Variants in FRMPD3 observed in about 807,000 individuals in gnomAD.
FRMPD3 encodes FERM and PDZ domain containing 3.
In FRMPD3, 42 loss-of-function variants were observed where a neutral mutation model predicts 97.9. That is an observed-to-expected ratio of 0.43 (90% CI 0.34 to 0.55). The LOEUF (loss-of-function observed/expected upper bound fraction) is 0.55. FRMPD3 is among the 20% of genes least tolerant of loss of function. The pLI is 0.03. For missense variants in FRMPD3, 1,303 were observed against 1,457.7 expected, an observed-to-expected ratio of 0.89 and a Z score of 1.73; for synonymous variants, 577 against 581.1, an observed-to-expected ratio of 0.99 and a Z score of 0.10.
At chrX:107,583,470 T>G (rs1388572722) in intron 13 of FRMPD3, among the ~76,000 whole-genome samples, 1 of 112,424 alleles carries the variant, frequency 8.9e-6, no homozygotes, top group Non-Finnish European at 1.9e-5. Context: ...TACCACATTT[T>G]CATTATCCAG....
intron 13 of FRMPD3, among the ~76,000 whole-genome samples, chrX:107,577,086 A>G (rs1283690813): frequency 2.1e-5 from 2 of 95,091 alleles, no homozygotes; most frequent in Admixed American, 2.5e-4. Context: ...ACACTTTGGG[A>G]GGCTGAGGCA....
intron 1 of FRMPD3, among the ~76,000 whole-genome samples, chrX:107,508,300 A>G (rs1007031840): frequency 3.6e-5 from 4 of 112,174 alleles, no homozygotes; most frequent in Admixed American, 9.4e-5. Context: ...TTTTGAATCA[A>G]TTTTCAAATC....
intron 1 of FRMPD3, among the ~76,000 whole-genome samples, chrX:107,468,035 C>T (rs980306333): frequency 2.7e-5 from 3 of 111,772 alleles, no homozygotes; most frequent in African/African-American, 9.8e-5. Flanking sequence ...TTCCCACTCC[C>T]GCATTGGGTT....
chrX:107,455,787 T>A (rs1445102575), intron 1 of FRMPD3, among the ~76,000 whole-genome samples: 1 of 111,634 alleles, frequency 9.0e-6, no homozygotes, highest in Non-Finnish European at 1.9e-5. Context: ...TACAAGGCAC[T>A]GTGCTAGTTG....
At chrX:107,508,742 G>A (rs990811778) in intron 1 of FRMPD3, among the ~76,000 whole-genome samples, 1 of 111,927 alleles carries the variant, frequency 8.9e-6, no homozygotes, top group Non-Finnish European at 1.9e-5. Context: ...GGAAGTGATT[G>A]TACAGGTTGG....
chrX:107,476,583 A>T (rs779786199), intron 1 of FRMPD3, among the ~76,000 whole-genome samples: 3 of 112,092 alleles, frequency 2.7e-5, no homozygotes, highest in African/African-American at 6.5e-5. Context: ...CTCAGACAGG[A>T]TCCTCACATT....
intron 1 of FRMPD3, among the ~76,000 whole-genome samples, chrX:107,500,725 G>A (rs1043854947): frequency 5.6e-5 from 6 of 106,988 alleles, no homozygotes; most frequent in Admixed American, 2.0e-4. Flanking sequence ...AAAGAATCGC[G>A]TGAATCTGGG....
At chrX:107,516,144 C>T (rs1414674356) in intron 1 of FRMPD3, among the ~76,000 whole-genome samples, 2 of 106,620 alleles carry the variant, frequency 1.9e-5, no homozygotes, top group African/African-American at 3.4e-5. Flanking sequence ...TTTGTCCTTG[C>T]GATAGTTTGC....
chrX:107,470,886 G>T lies in FRMPD3; in HGVS notation c.-8+20881G>T, dbSNP rs1260020412. 2.7e-5 allele frequency among the ~76,000 whole-genome samples: 3 copies of T among 112,216 alleles called. No homozygotes were observed. The Admixed American group carries it at 2.8e-4, about 11-fold the overall frequency. On this transcript the variant is annotated intron_variant, in intron 1 of 14. Transcript: ENST00000683843. ...GAGCAAAGAGAGGAACCAAAGGGTG[G>T]GTGGTGGTACCTGGAAGGTATTTGA...
At chrX:107,487,695 C>T (rs1298220848) in intron 1 of FRMPD3, among the ~76,000 whole-genome samples, 2 of 111,790 alleles carry the variant, frequency 1.8e-5, no homozygotes, top group African/African-American at 6.5e-5. Flanking sequence ...ACCAGTTACA[C>T]CAGAATCTCT....
intron 13 of FRMPD3, among the ~76,000 whole-genome samples, chrX:107,582,544 C>T (rs1419657942): frequency 1.8e-5 from 2 of 112,504 alleles, no homozygotes; most frequent in Non-Finnish European, 3.7e-5. Context: ...CTCATGTTTA[C>T]GATTTACAGT....
rs754883190 is a variant in FRMPD3, at chrX:107,551,540, G to A, written c.511-1255G>A. Among the ~76,000 whole-genome samples the A allele has an allele frequency of 3.6e-5, 4 of 111,960 alleles. No homozygotes were observed. In the South Asian group the frequency reaches 1.5e-3, roughly 42 times the overall value. ...CACCTCACATCATCAGCGCCATTGT[G>A]GCTTCCAGGTAGCCCCAGCCTTCCA... On this transcript the variant is annotated intron_variant, in intron 6 of 14. Coordinates refer to ENST00000683843, the MANE Select transcript of FRMPD3 (RefSeq NM_001388459.1).
chrX:107,541,167 G>A (rs1921278568), intron 4 of FRMPD3, among the ~76,000 whole-genome samples: 1 of 113,153 alleles, frequency 8.8e-6, no homozygotes, highest in African/African-American at 3.2e-5. Flanking sequence ...TCCTGCTACC[G>A]CATTCACATT....
At chrX:107,535,376 C>T (rs746396998) in intron 4 of FRMPD3, among the ~76,000 whole-genome samples, 19 of 111,454 alleles carry the variant, frequency 1.7e-4, no homozygotes, top group African/African-American at 6.2e-4. Context: ...TCTTACATAA[C>T]TATGTGCAAT....
At chrX:107,588,804 T>G (rs1923776718) in intron 13 of FRMPD3, among the ~76,000 whole-genome samples, 1 of 111,886 alleles carries the variant, frequency 8.9e-6, no homozygotes, top group Admixed American at 9.5e-5. Context: ...TAGTCTTGTC[T>G]GCATGCCTTA....
intron 1 of FRMPD3, among the ~76,000 whole-genome samples, chrX:107,515,257 G>A (rs2062831301): frequency 9.0e-6 from 1 of 111,604 alleles, no homozygotes; most frequent in African/African-American, 3.3e-5. Flanking sequence ...CCAATATCTA[G>A]TGATTAAGTC....
chrX:107,453,620 C>T (rs1931328056), intron 1 of FRMPD3, among the ~76,000 whole-genome samples: 1 of 111,878 alleles, frequency 8.9e-6, no homozygotes, highest in African/African-American at 3.3e-5. Flanking sequence ...ATGGGGTGGA[C>T]CTTATTGTCT....
chrX:107,573,418 G>C (rs1335474777), intron 12 of FRMPD3, among the ~76,000 whole-genome samples: 3 of 111,766 alleles, frequency 2.7e-5, no homozygotes, highest in Non-Finnish European at 5.6e-5. Flanking sequence ...GCAAGAAGGG[G>C]TATCTGACTC....
intron 4 of FRMPD3, among the ~76,000 whole-genome samples, chrX:107,543,632 A>G (rs1485241395): frequency 1.8e-5 from 2 of 110,087 alleles, no homozygotes; most frequent in East Asian, 5.7e-4. Context: ...CCTGGCCAAC[A>G]TGGTGAAACC....
Sources: allele counts gnomAD v4.1 joint callset (sites outside exome capture counted in the v4.1 genomes callset), GRCh38; gene constraint gnomAD v4.1.1; transcripts MANE v1.5; gene names NCBI Gene and HGNC (gene_info 2026-07-23, HGNC 2026-07-21).